The following NAALADL2 variants were observed in gnomAD, a reference collection of about 807,000 sequenced individuals.
NAALADL2 encodes the protein inactive N-acetylated-alpha-linked acidic dipeptidase-like protein 2.
Under a neutral mutation model 87.2 loss-of-function variants are expected in NAALADL2, and 76 were observed. The observed-to-expected ratio is 0.87, with a 90% CI of 0.72 to 1.05. The LOEUF (loss-of-function observed/expected upper bound fraction) is 1.05. Among genes scored for constraint, NAALADL2 ranks in the 50% least tolerant of loss-of-function variants. The pLI is 0.00. For synonymous variants in NAALADL2, 354 were observed against 331.0 expected, an observed-to-expected ratio of 1.07 and a Z score of -0.75; for missense variants, 1,089 against 945.8, an observed-to-expected ratio of 1.15 and a Z score of -1.99.
At chr3:174,596,609 A>G (rs1717937520) in intron 2 of NAALADL2, among the ~76,000 whole-genome samples, 1 of 152,170 alleles carries the variant, frequency 6.6e-6, no homozygotes, top group Non-Finnish European at 1.5e-5. Flanking sequence ...ACTGCACCTC[A>G]AGAATATGCT....
intron 2 of NAALADL2, among the ~76,000 whole-genome samples, chr3:174,645,350 T>C (rs1351048552): frequency 6.6e-6 from 1 of 152,204 alleles, no homozygotes; most frequent in Non-Finnish European, 1.5e-5. Flanking sequence ...TGACTTTTGA[T>C]GTTAGACTAA....
At chr3:175,259,558 C>G (rs6779844) in intron 4 of NAALADL2, among the ~76,000 whole-genome samples, 15,404 of 152,148 alleles carry the variant, frequency 0.1, 2,011 homozygotes, top group African/African-American at 0.31. Context: ...CATGAATTTT[C>G]CTTGTTCAAC....
In NAALADL2 at chr3:175,733,607, A is replaced by C. The variant is rs1744089802; in HGVS notation, c.1897-3699A>C. ...AAATCTCATATCTTTACATTTCAAAACCAAACATGCCTTCCCAACAGTTCC... is the reference window on the plus strand; with the variant it reads ...AAATCTCATATCTTTACATTTCAAACCCAAACATGCCTTCCCAACAGTTCC... On this transcript the variant is annotated intron_variant, in intron 11 of 13. Transcript: ENST00000454872. 2.0e-5 allele frequency among the ~76,000 whole-genome samples: 3 copies of C among 152,054 alleles called. No homozygotes were observed. The South Asian group carries it at 6.2e-4, about 32-fold the overall frequency.
At chr3:174,767,666 A>G (rs1487378823) in intron 3 of NAALADL2, among the ~76,000 whole-genome samples, 1 of 152,216 alleles carries the variant, frequency 6.6e-6, no homozygotes, top group Non-Finnish European at 1.5e-5. Flanking sequence ...AGTGCCTGAT[A>G]TTGGGACATG....
At chr3:174,869,702 G>A (rs1727566664) in intron 1 of NAALADL2, among the ~76,000 whole-genome samples, 1 of 152,078 alleles carries the variant, frequency 6.6e-6, no homozygotes, top group Non-Finnish European at 1.5e-5. Flanking sequence ...TTAGGCAAGA[G>A]ATAGTGTCAG....
chr3:175,343,678 C>CTTTTTTTTTTTTTTTTTTTTTTT (rs1581505068), intron 5 of NAALADL2, among the ~76,000 whole-genome samples: 1 of 49,148 alleles, frequency 2.0e-5, no homozygotes, highest in Non-Finnish European at 4.1e-5. Flanking sequence ...TTTTTTTTTC[C>CTTTTTTTTTTTTTTTTTTTTTTT]CTTCCCACTG....
At chr3:175,786,461 T>C (rs193096513) in intron 13 of NAALADL2, among the ~76,000 whole-genome samples, 140 of 152,194 alleles carry the variant, frequency 9.2e-4, no homozygotes, top group Non-Finnish European at 1.1e-3. Context: ...CATCTTCCAT[T>C]GCTGATACCC....
At chr3:175,358,089 G>A (rs1013761276) in intron 5 of NAALADL2, among the ~76,000 whole-genome samples, 2 of 152,102 alleles carry the variant, frequency 1.3e-5, no homozygotes, top group African/African-American at 4.8e-5. Context: ...AATCGCAAGT[G>A]ACATAAATTT....
chr3:174,797,859 G>C, intron 3 of NAALADL2, among the ~76,000 whole-genome samples: 1 of 152,188 alleles, frequency 6.6e-6, no homozygotes, highest in Middle Eastern at 3.4e-3. Context: ...AAGCACAAAT[G>C]TTGTAAATTT....
chr3:175,004,559 G>A (rs974374166), intron 1 of NAALADL2, among the ~76,000 whole-genome samples: 2 of 151,750 alleles, frequency 1.3e-5, no homozygotes, highest in African/African-American at 4.8e-5. Context: ...GGTATTAATG[G>A]TATGTCATAT....
chr3:175,501,064 A>T (rs80323398), intron 9 of NAALADL2, among the ~76,000 whole-genome samples: 1 of 151,990 alleles, frequency 6.6e-6, no homozygotes, highest in African/African-American at 2.4e-5. Flanking sequence ...TTGAGTTAGG[A>T]TGGTTTCTGT....
chr3:175,763,748 T>G (rs1748335128), intron 13 of NAALADL2, among the ~76,000 whole-genome samples: 1 of 152,182 alleles, frequency 6.6e-6, no homozygotes, highest in African/African-American at 2.4e-5. Context: ...CACATCTCCA[T>G]AAAATCTCAT....
intron 1 of NAALADL2, among the ~76,000 whole-genome samples, chr3:175,092,967 C>T (rs1720423450): frequency 6.6e-6 from 1 of 151,750 alleles, no homozygotes; most frequent in African/African-American, 2.4e-5. Context: ...CAGATATTTC[C>T]ATCCGTAGAA....
Position 175,147,283 on chromosome 3 carries a change from C to G in NAALADL2, c.545+49992C>G, listed in dbSNP as rs530670998. 2.2e-4 allele frequency among the ~76,000 whole-genome samples: 34 copies of G among 152,220 alleles called. No homozygotes were observed. The South Asian group carries it at 6.2e-3, about 28-fold the overall frequency. Reference sequence around the variant, plus strand: ...ACTCCCCAGTGTCTATTGTTGCCATCTTTGCATCCATCCATACCCAATATT... The same window carrying G: ...ACTCCCCAGTGTCTATTGTTGCCATGTTTGCATCCATCCATACCCAATATT... On this transcript the variant is annotated intron_variant, in intron 2 of 13. Transcript: ENST00000454872.
At position 175,447,358 on chromosome 3, in the gene NAALADL2, A is replaced by G; in HGVS notation, c.1220A>G (p.Glu407Gly). The part of the protein sequence containing the change: ...RTKNEACSSL[E>G]LPNNEIRVVS... The stretch of plus-strand genomic sequence containing the variant: ...AAAAATGAAGCGTGTAGCTCTCTAG[A>G]GCTTCCAAATAATGGTAAAGTATTT... Residue 407 changes from glutamate (E) to glycine (G), a missense_variant, in exon 6 of 14, where the codon GAG (glutamate) becomes GGG (glycine). Coordinates refer to ENST00000454872, the MANE Select transcript of NAALADL2 (RefSeq NM_207015.3). 1.3e-6 allele frequency: 2 copies of G among 1,572,664 alleles called. No homozygotes were observed. The highest frequency in any genetic ancestry group is 1.7e-6 in the Non-Finnish European group (2 of 1,162,026).
At chr3:175,394,428 T>C (rs1365297861) in intron 5 of NAALADL2, among the ~76,000 whole-genome samples, 1 of 152,196 alleles carries the variant, frequency 6.6e-6, no homozygotes, top group Non-Finnish European at 1.5e-5. Flanking sequence ...ACATGATAAT[T>C]TTGCATTTTA....
chr3:174,905,156 C>T (rs115128980), intron 1 of NAALADL2, among the ~76,000 whole-genome samples: 2,118 of 151,512 alleles, frequency 0.014, 58 homozygotes, highest in African/African-American at 0.048. Context: ...TCTGGCTTTA[C>T]CATAAAGCTA....
chr3:174,540,564 AC>A (rs916743740), intron 1 of NAALADL2, among the ~76,000 whole-genome samples: 1 of 152,204 alleles, frequency 6.6e-6, no homozygotes, highest in Admixed American at 6.5e-5. Flanking sequence ...AGTCAACTAT[AC>A]TACTAGCCGG....
chr3:175,243,724 G>A (rs1294075869), intron 3 of NAALADL2, among the ~76,000 whole-genome samples: 1 of 151,486 alleles, frequency 6.6e-6, no homozygotes, highest in Non-Finnish European at 1.5e-5. Context: ...GCCCACTTCA[G>A]GTCCCCTACC....
Sources: allele counts gnomAD v4.1 joint callset (sites outside exome capture counted in the v4.1 genomes callset), GRCh38; gene constraint gnomAD v4.1.1; transcripts MANE v1.5; gene names NCBI Gene and HGNC (gene_info 2026-07-23, HGNC 2026-07-21).